Variants in SAR1B observed in about 807,000 individuals in gnomAD.
SAR1B encodes the protein secretion associated Ras related GTPase 1B.
In SAR1B, 23 loss-of-function variants were observed where a neutral mutation model predicts 26.8. That is an observed-to-expected ratio of 0.86 (90% CI 0.62 to 1.22). The LOEUF (loss-of-function observed/expected upper bound fraction) is 1.22, where lower values mean the gene tolerates loss of function less well. Among genes scored for constraint, SAR1B ranks in the 50% most tolerant of loss-of-function variants. The pLI, the probability that SAR1B is intolerant of heterozygous loss-of-function variation, is 0.00. For missense variants in SAR1B, 196 were observed against 232.8 expected (o/e 0.84, Z 1.03); for synonymous variants, 65 against 80.8 (o/e 0.80, Z 1.05).
chr5:134,610,413 A>AACCTGGCCAACAT (rs1302813723), intron 4 of SAR1B, among the ~76,000 whole-genome samples: 2 of 152,004 alleles, frequency 1.3e-5, no homozygotes, highest in East Asian at 3.9e-4. Flanking sequence ...GTTGGAGACC[A>AACCTGGCCAACAT]ACCTGGCCAA....
chr5:134,618,862 G>T (rs1765355616), intron 3 of SAR1B, among the ~76,000 whole-genome samples: 2 of 151,990 alleles, frequency 1.3e-5, no homozygotes, highest in African/African-American at 4.8e-5. Flanking sequence ...GCTGGGCTTG[G>T]TAGCACATGC....
chr5:134,628,054 G>A (rs1306554604), intron 1 of SAR1B, among the ~76,000 whole-genome samples: 1 of 151,464 alleles, frequency 6.6e-6, no homozygotes, highest in African/African-American at 2.4e-5. Flanking sequence ...CAGGAGAATC[G>A]CTCAAACCTG....
At chr5:134,624,360 G>C (rs193278446) in intron 1 of SAR1B, among the ~76,000 whole-genome samples, 11 of 152,202 alleles carry the variant, frequency 7.2e-5, no homozygotes, top group African/African-American at 2.4e-4. Flanking sequence ...AGTGAGTGGA[G>C]ATTGTGCCAC....
chr5:134,609,590 T>G lies in SAR1B; in HGVS notation c.329A>C (p.Glu110Ala), dbSNP rs763119214. ...ACTTACATCAAGTTCTTCTTTTGAC[T>G]CTAACAGCCTTTCGTGGTCTGCACA... Reference protein sequence around the residue: ...VDCADHERLLESKEELDSLMT... With the variant: ...VDCADHERLLASKEELDSLMT... Residue 110 changes from glutamate to alanine, a missense_variant, in exon 5 of 7, where the codon GAG becomes GCG. Physicochemically the swap from Glu to Ala is moderately radical, Grantham distance 107 (BLOSUM62 -1). Transcript: ENST00000402673. 2 of 1,613,954 alleles carry G rather than the reference T, an allele frequency of 1.2e-6. No individual in the cohort carries two copies. Among genetic ancestry groups the G allele is most frequent in the Admixed American group, 1.7e-5 (1 of 60,004 alleles).
intron 1 of SAR1B, among the ~76,000 whole-genome samples, chr5:134,628,895 C>G (rs1484593566): frequency 6.6e-6 from 1 of 152,020 alleles, no homozygotes; most frequent in Non-Finnish European, 1.5e-5. Flanking sequence ...ACCTCGAGAT[C>G]CACTCGCCTC....
At chr5:134,631,706 T>A (rs1459082833) in intron 1 of SAR1B, 3 of 152,236 alleles carry the variant, frequency 2.0e-5, no homozygotes, top group Non-Finnish European at 2.9e-5. Flanking sequence ...TTCTTTCAGC[T>A]AACAATGTCA....
intron 2 of SAR1B, among the ~76,000 whole-genome samples, chr5:134,623,531 G>T (rs1287264094): frequency 6.7e-6 from 1 of 148,346 alleles, no homozygotes; most frequent in African/African-American, 2.5e-5. Flanking sequence ...AGAACTGCTG[G>T]GTAAAGAAGT....
intron 4 of SAR1B, among the ~76,000 whole-genome samples, chr5:134,610,942 C>A (rs1765202040): frequency 6.6e-6 from 1 of 150,402 alleles, no homozygotes; most frequent in Non-Finnish European, 1.5e-5. Flanking sequence ...TAGTTCACTG[C>A]AACCTCAGAC....
intron 2 of SAR1B, among the ~76,000 whole-genome samples, chr5:134,621,490 AT>A (rs1765407113): frequency 6.6e-6 from 1 of 151,610 alleles, no homozygotes; most frequent in Non-Finnish European, 1.5e-5. Context: ...AAATAAATAA[AT>A]AAATAAATAA....
rs1263204123 is a variant in SAR1B, at chr5:134,604,090, C to T, written c.*2860G>A. 6.6e-6 allele frequency: 1 copy of T among 152,158 alleles called. No homozygotes were observed. Among genetic ancestry groups the T allele is most frequent in the African/African-American group, 2.4e-5 (1 of 41,422 alleles). The allele number at this position is 152,158 out of a possible 1,614,324, so 9.4% of individuals were successfully genotyped here. ...TGCTATAATCTCCATTCTAAAAATT[C>T]ACTGAGATAAACTGAAATCTATCAA... On this transcript the variant is annotated 3_prime_UTR_variant, in exon 7 of 7. Coordinates refer to ENST00000402673, the MANE Select transcript of SAR1B (RefSeq NM_016103.4).
At chr5:134,612,512 G>A (rs557745276) in intron 4 of SAR1B, among the ~76,000 whole-genome samples, 179 bp downstream of exon 4, 37 of 151,620 alleles carry the variant, frequency 2.4e-4, no homozygotes, top group Non-Finnish European at 3.5e-4. Flanking sequence ...GGGCGCGGTG[G>A]CACATGCCTG....
chr5:134,608,297 G>T, intron 6 of SAR1B, 75 bp downstream of exon 6: 1 of 1,419,210 alleles, frequency 7.0e-7, no homozygotes, highest in Non-Finnish European at 9.6e-7. Flanking sequence ...TTGTATAGTT[G>T]GACAATAGTA....
At chr5:134,621,168 G>A in intron 2 of SAR1B, 116 bp from the exon 3 acceptor site, 2 of 1,239,976 alleles carry the variant, frequency 1.6e-6, no homozygotes, top group Non-Finnish European at 2.3e-6. Context: ...TTTTAAAAAA[G>A]CTATTTTAAA....
chr5:134,612,207 G>A, intron 4 of SAR1B, among the ~76,000 whole-genome samples: 1 of 152,134 alleles, frequency 6.6e-6, no homozygotes, highest in Non-Finnish European at 1.5e-5. Context: ...GATTGAAGTA[G>A]AGAGAATGGA....
In SAR1B at chr5:134,615,276, C is replaced by T. The variant is rs181429368; in HGVS notation, c.179-2520G>A. On this transcript the variant is annotated intron_variant, in intron 3 of 6. Transcript: ENST00000402673. ...GGCAGGAGAATCGCTTGAACCCTGG[C>T]GGCAGAGGTTGCAATGAGCCGAGAT... 3.4e-3 allele frequency among the ~76,000 whole-genome samples: 498 copies of T among 144,822 alleles called. 4 individuals carry two copies. The highest frequency in any genetic ancestry group is 0.027 in the Middle Eastern group (7 of 256).
rs780640646 is a variant in SAR1B, at chr5:134,621,071, G to C, written c.59-19C>G. 3.7e-6 allele frequency: 6 copies of C among 1,611,386 alleles called. No individual in the cohort carries two copies. The African/African-American group carries it at 8.0e-5, about 22-fold the overall frequency. ...TATAATCCTGCAAAGCAAGAGCTATGATTGGTCAAAGTGATATCTGATACT... is the reference window on the plus strand; with the variant it reads ...TATAATCCTGCAAAGCAAGAGCTATCATTGGTCAAAGTGATATCTGATACT... On this transcript the variant is annotated intron_variant, in intron 2 of 6. Coordinates refer to ENST00000402673, the MANE Select transcript of SAR1B (RefSeq NM_016103.4).
At chr5:134,629,115 TAAA>T (rs781245048) in intron 1 of SAR1B, among the ~76,000 whole-genome samples, 5 of 134,962 alleles carry the variant, frequency 3.7e-5, no homozygotes, top group Non-Finnish European at 4.8e-5. Context: ...ACCCTGTCTT[TAAA>T]AAAAAAAAAA....
intron 2 of SAR1B, among the ~76,000 whole-genome samples, chr5:134,622,929 T>C (rs1459022185): frequency 1.4e-5 from 2 of 145,458 alleles, no homozygotes; most frequent in African/African-American, 5.1e-5. Context: ...CGAGACCAGA[T>C]TGGCCAACAC....
intron 1 of SAR1B, among the ~76,000 whole-genome samples, chr5:134,629,841 G>A (rs1326873541): frequency 2.0e-5 from 3 of 150,766 alleles, no homozygotes; most frequent in Non-Finnish European, 3.0e-5. Context: ...AGCCAAGATC[G>A]TGGCACTGCA....
Sources: allele counts gnomAD v4.1 joint callset (sites outside exome capture counted in the v4.1 genomes callset), GRCh38; gene constraint gnomAD v4.1.1; transcripts MANE v1.5; gene names NCBI Gene and HGNC (gene_info 2026-07-23, HGNC 2026-07-21).